The following CCDC158 variants were observed in gnomAD, a reference collection of about 807,000 sequenced individuals.
CCDC158 encodes the protein coiled-coil domain containing 158, also known as coiled-coil domain-containing protein 158.
Under a neutral mutation model 138.6 loss-of-function variants are expected in CCDC158, and 116 were observed. The observed-to-expected ratio is 0.84, with a 90% CI of 0.72 to 0.98. The LOEUF is 0.98. Among genes scored for constraint, CCDC158 ranks in the 50% least tolerant of loss-of-function variants. The pLI is 0.00. For missense variants in CCDC158, 1,265 were observed against 1,306.1 expected (o/e 0.97, Z 0.48); for synonymous variants, 436 against 442.4 (o/e 0.99, Z 0.18).
chr4:76,365,750 G>A (rs1034652537), intron 12 of CCDC158, among the ~76,000 whole-genome samples: 2 of 152,218 alleles, frequency 1.3e-5, no homozygotes, highest in East Asian at 1.9e-4. Context: ...CAGTATCCAC[G>A]TCATCTGGCA....
intron 13 of CCDC158, among the ~76,000 whole-genome samples, chr4:76,358,644 T>C (rs1723820235): frequency 6.6e-6 from 1 of 152,186 alleles, no homozygotes; most frequent in African/African-American, 2.4e-5. Flanking sequence ...GCACCCCTTT[T>C]TCACCTGCTG....
chr4:76,323,453 C>T lies in CCDC158; in HGVS notation c.3170-44G>A, dbSNP rs1320571885. The T allele has an allele frequency of 2.9e-6, 4 of 1,399,534 alleles. No homozygotes were observed. In the African/African-American group the frequency reaches 4.4e-5, roughly 15 times the overall value. 86.7% of individuals were successfully genotyped at this position (1,399,534 alleles called of 1,614,324 possible). A position where few individuals can be genotyped will look rare whatever the true frequency, so the allele number is the denominator to read the frequency against. On this transcript the variant is annotated intron_variant, in intron 23 of 24. Transcript: ENST00000682701. ...GATGTGATATTAAAAGTCTACTCAA[C>T]ATTTCCTTTTAGAAATCTTTGAATT...
At chr4:76,416,350 A>G (rs997626748) in intron 1 of CCDC158, among the ~76,000 whole-genome samples, 3 of 152,234 alleles carry the variant, frequency 2.0e-5, no homozygotes, top group Admixed American at 2.0e-4. Flanking sequence ...CCCCAGGCCC[A>G]GCTGTCTTTT....
intron 24 of CCDC158, among the ~76,000 whole-genome samples, chr4:76,316,164 T>C (rs1719368073): frequency 6.6e-6 from 1 of 152,060 alleles, no homozygotes; most frequent in Non-Finnish European, 1.5e-5. Flanking sequence ...AAGCTACTCA[T>C]GGAGATACCA....
chr4:76,412,778 A>C (rs896190237), intron 1 of CCDC158, among the ~76,000 whole-genome samples: 8 of 152,164 alleles, frequency 5.3e-5, no homozygotes, highest in African/African-American at 1.7e-4. Context: ...AGCCTATAGC[A>C]CTTATCTAAA....
intron 18 of CCDC158, chr4:76,345,739 G>C (rs1371317640): frequency 1.8e-6 from 1 of 554,582 alleles, no homozygotes; most frequent in African/African-American, 1.9e-5. Flanking sequence ...TCTTAAAAAA[G>C]AGGACACAAA....
chr4:76,343,334 G>A (rs1302562906), intron 18 of CCDC158, among the ~76,000 whole-genome samples: 1 of 152,112 alleles, frequency 6.6e-6, no homozygotes, highest in Non-Finnish European at 1.5e-5. Context: ...GAAAAGCCCT[G>A]ACAACCTTAC....
intron 1 of CCDC158, among the ~76,000 whole-genome samples, chr4:76,416,049 C>A (rs1472776640): frequency 6.6e-6 from 1 of 152,218 alleles, no homozygotes; most frequent in Non-Finnish European, 1.5e-5. Context: ...CCATCCTGTT[C>A]ACCTGGCTCT....
At chr4:76,359,128 T>C (rs1317728588) in intron 13 of CCDC158, among the ~76,000 whole-genome samples, 2 of 152,158 alleles carry the variant, frequency 1.3e-5, no homozygotes, top group Admixed American at 1.3e-4. Context: ...ACTGCTACCA[T>C]GTGAAGATGT....
chr4:76,313,697 C>G (rs1165827756), intron 24 of CCDC158, among the ~76,000 whole-genome samples: 1 of 152,212 alleles, frequency 6.6e-6, no homozygotes, highest in East Asian at 1.9e-4. Context: ...TTTGTCTCTG[C>G]TCCCTCAATC....
intron 18 of CCDC158, among the ~76,000 whole-genome samples, chr4:76,341,822 A>T (rs574158507): frequency 2.6e-5 from 4 of 152,326 alleles, no homozygotes; most frequent in African/African-American, 9.6e-5. Context: ...CTTACTTTTA[A>T]CACAAGAAAA....
At chr4:76,363,271 G>A (rs1446916050) in intron 12 of CCDC158, among the ~76,000 whole-genome samples, 1 of 152,216 alleles carries the variant, frequency 6.6e-6, no homozygotes, top group Non-Finnish European at 1.5e-5. Flanking sequence ...TTGTCACGGT[G>A]TCTTGCTGGG....
At chr4:76,419,619 T>C (rs1729955255) in intron 1 of CCDC158, among the ~76,000 whole-genome samples, 1 of 152,094 alleles carries the variant, frequency 6.6e-6, no homozygotes, top group African/African-American at 2.4e-5. Context: ...ATCACTCCAA[T>C]ATCTGCCTCT....
chr4:76,396,510 T>C (rs767992877), intron 3 of CCDC158, 24 bp from the exon 4 acceptor site: 1 of 1,569,228 alleles, frequency 6.4e-7, no homozygotes, highest in South Asian at 1.2e-5. Flanking sequence ...AATTCATTAA[T>C]TAACTTTTCG....
chr4:76,363,184 T>C (rs1724320329), intron 12 of CCDC158, among the ~76,000 whole-genome samples: 1 of 152,166 alleles, frequency 6.6e-6, no homozygotes, highest in Non-Finnish European at 1.5e-5. Context: ...GAGGGGCCTA[T>C]GGGACCAAAC....
intron 13 of CCDC158, among the ~76,000 whole-genome samples, chr4:76,361,303 C>T (rs1724109211): frequency 6.6e-6 from 1 of 152,210 alleles, no homozygotes; most frequent in South Asian, 2.1e-4. Context: ...TGGCTCATGC[C>T]TGTAATCCCA....
At chr4:76,403,898 G>C (rs1263439519) in intron 2 of CCDC158, among the ~76,000 whole-genome samples, 1 of 152,126 alleles carries the variant, frequency 6.6e-6, no homozygotes, top group Non-Finnish European at 1.5e-5. Context: ...TAGGGGTACA[G>C]AAAATGGGAG....
intron 2 of CCDC158, among the ~76,000 whole-genome samples, chr4:76,409,814 G>C (rs1729147591): frequency 6.6e-6 from 1 of 151,916 alleles, no homozygotes; most frequent in African/African-American, 2.4e-5. Flanking sequence ...CTGGGTGACA[G>C]AGCGAGACTG....
intron 13 of CCDC158, among the ~76,000 whole-genome samples, chr4:76,357,877 A>G (rs2110198990): frequency 6.6e-6 from 1 of 152,242 alleles, no homozygotes; most frequent in Non-Finnish European, 1.5e-5. Flanking sequence ...ATGAATCTCC[A>G]TGACACTATA....
Sources: allele counts gnomAD v4.1 joint callset (sites outside exome capture counted in the v4.1 genomes callset), GRCh38; gene constraint gnomAD v4.1.1; transcripts MANE v1.5; gene names NCBI Gene and HGNC (gene_info 2026-07-23, HGNC 2026-07-21).